NECAB1: variants seen among roughly 807,000 people sequenced by gnomAD.
The protein encoded by NECAB1 is N-terminal EF-hand calcium-binding protein 1.
A neutral mutation model predicts 57.5 loss-of-function variants in NECAB1; 29 were observed. That is an observed-to-expected ratio of 0.50 (90% confidence interval 0.38 to 0.69). The LOEUF is 0.69. Ranked by LOEUF, NECAB1 falls within the 30% of genes least tolerant of loss-of-function variation. The pLI is 0.00. For synonymous variants in NECAB1, 142 were observed against 147.7 expected (o/e 0.96, Z 0.28); for missense variants, 372 against 413.8 (o/e 0.90, Z 0.88).
At chr8:90,938,765 A>C (rs1810601126) in intron 9 of NECAB1, among the ~76,000 whole-genome samples, 1 of 152,200 alleles carries the variant, frequency 6.6e-6, no homozygotes, top group Admixed American at 6.5e-5. Context: ...TCCAACTCAT[A>C]CATCAATGTA....
intron 2 of NECAB1, among the ~76,000 whole-genome samples, chr8:90,814,518 G>T (rs941831489): frequency 2.6e-5 from 4 of 152,072 alleles, no homozygotes; most frequent in African/African-American, 9.7e-5. Context: ...TGGGAGATTT[G>T]TCTATTTTCT....
chr8:90,825,317 G>A (rs1167312779), intron 3 of NECAB1, among the ~76,000 whole-genome samples: 2 of 151,786 alleles, frequency 1.3e-5, no homozygotes, highest in African/African-American at 4.8e-5. Context: ...TGTATATGGT[G>A]ATCCATTCTT....
chr8:90,850,653 C>CT (rs1420479971), intron 3 of NECAB1, among the ~76,000 whole-genome samples: 1 of 152,206 alleles, frequency 6.6e-6, no homozygotes, highest in Non-Finnish European at 1.5e-5. Context: ...GGATTAGTCA[C>CT]TAGGAAAACT....
chr8:90,846,049 G>A (rs1432181392), intron 3 of NECAB1, among the ~76,000 whole-genome samples: 2 of 152,082 alleles, frequency 1.3e-5, no homozygotes, highest in Non-Finnish European at 2.9e-5. Context: ...CTGGGCTAAG[G>A]AACAAAAAGT....
intron 5 of NECAB1, among the ~76,000 whole-genome samples, chr8:90,891,401 G>T (rs1040794791): frequency 6.6e-6 from 1 of 151,936 alleles, no homozygotes; most frequent in East Asian, 1.9e-4. Flanking sequence ...TTGTTTATTT[G>T]TAAGTTTCCT....
At chr8:90,909,617 G>T (rs528954673) in intron 5 of NECAB1, among the ~76,000 whole-genome samples, 1 of 151,902 alleles carries the variant, frequency 6.6e-6, no homozygotes, top group African/African-American at 2.4e-5. Flanking sequence ...ATGTTACTAC[G>T]TTTTTTTCTG....
intron 6 of NECAB1, among the ~76,000 whole-genome samples, chr8:90,921,175 C>A (rs748535945): frequency 5.3e-5 from 8 of 152,066 alleles, no homozygotes; most frequent in Non-Finnish European, 1.2e-4. Flanking sequence ...TGCCACCATG[C>A]CCAGCTAATT....
At chr8:90,795,708 T>TCTCTCACACACA (rs551150301) in intron 1 of NECAB1, among the ~76,000 whole-genome samples, 4 of 147,764 alleles carry the variant, frequency 2.7e-5, no homozygotes, top group Non-Finnish European at 6.0e-5. Flanking sequence ...CTCATCTCTC[T>TCTCTCACACACA]CACACACACA....
At chr8:90,805,578 G>A (rs1811834586) in intron 2 of NECAB1, among the ~76,000 whole-genome samples, 2 of 151,744 alleles carry the variant, frequency 1.3e-5, no homozygotes, top group Admixed American at 6.6e-5. Flanking sequence ...GATTGCTTAG[G>A]AGAGATGCTA....
At chr8:90,898,286 A>G (rs1006322143) in intron 5 of NECAB1, among the ~76,000 whole-genome samples, 10 of 152,206 alleles carry the variant, frequency 6.6e-5, no homozygotes, top group Admixed American at 6.5e-4. Flanking sequence ...CCCCTCTTCC[A>G]TCACTACCAC....
rs180942886 is a variant in NECAB1, at chr8:90,919,177, T to C, written c.494+1549T>C. ...ACATCAAGGTGATCCCAGCCAACAG[T>C]TGATATTTTTCTGAGTTGTCATTGC... is the stretch of plus-strand genomic sequence containing the variant. On this transcript the variant is annotated intron_variant, in intron 6 of 12. Transcript: ENST00000417640. Among the ~76,000 whole-genome samples, 3 of 152,238 alleles carry C rather than the reference T, an allele frequency of 2.0e-5. No individual in the cohort carries two copies. The East Asian group carries it at 5.8e-4, about 29-fold the overall frequency.
At chr8:90,944,970 T>C (rs1810764235) in intron 10 of NECAB1, among the ~76,000 whole-genome samples, 1 of 152,156 alleles carries the variant, frequency 6.6e-6, no homozygotes, top group Non-Finnish European at 1.5e-5. Flanking sequence ...CAATCTCGGC[T>C]CACTGCAGCC....
intron 3 of NECAB1, among the ~76,000 whole-genome samples, chr8:90,834,108 A>C (rs1446953602): frequency 7.3e-6 from 1 of 137,912 alleles, no homozygotes; most frequent in Non-Finnish European, 1.5e-5. Flanking sequence ...GGTTGCAGTG[A>C]GCTGAGACTG....
At chr8:90,819,034 A>G (rs1405644602) in intron 2 of NECAB1, among the ~76,000 whole-genome samples, 4 of 151,990 alleles carry the variant, frequency 2.6e-5, no homozygotes, top group African/African-American at 4.8e-5. Context: ...CGACATTTCT[A>G]TTGACCTATC....
At chr8:90,913,430 C>T (rs1465806139) in intron 5 of NECAB1, among the ~76,000 whole-genome samples, 3 of 151,678 alleles carry the variant, frequency 2.0e-5, no homozygotes, top group Admixed American at 2.0e-4. Flanking sequence ...TTTACTTTCC[C>T]ATATTCTTTC....
intron 4 of NECAB1, among the ~76,000 whole-genome samples, chr8:90,879,117 G>T (rs1177586488): frequency 3.0e-5 from 4 of 134,142 alleles, no homozygotes; most frequent in East Asian, 4.1e-4. Flanking sequence ...TCTATATATA[G>T]ATATCTATAT....
intron 2 of NECAB1, among the ~76,000 whole-genome samples, chr8:90,819,372 G>A (rs1024657733): frequency 6.6e-6 from 1 of 151,960 alleles, no homozygotes. Flanking sequence ...ATTTTTGTGT[G>A]TGTGAAAGCC....
At chr8:90,896,554 G>A (rs2631013) in intron 5 of NECAB1, among the ~76,000 whole-genome samples, 79,960 of 151,764 alleles carry the variant, frequency 0.53, 24,614 homozygotes, top group African/African-American at 0.83. Flanking sequence ...GCAGTGAACC[G>A]AGATCGTGCC....
chr8:90,830,737 G>A (rs1812287782), intron 3 of NECAB1, among the ~76,000 whole-genome samples: 2 of 152,096 alleles, frequency 1.3e-5, no homozygotes, highest in African/African-American at 4.8e-5. Flanking sequence ...GCCAGCAGAT[G>A]TATGCTTTTT....
Sources: allele counts gnomAD v4.1 joint callset (sites outside exome capture counted in the v4.1 genomes callset), GRCh38; gene constraint gnomAD v4.1.1; transcripts MANE v1.5; gene names NCBI Gene and HGNC (gene_info 2026-07-23, HGNC 2026-07-21).